Variants in RFC1 observed in about 807,000 individuals in gnomAD.
RFC1 encodes replication factor C subunit 1, also known as A1 140 kDa subunit.
In RFC1, 37 loss-of-function variants were observed where a neutral mutation model predicts 137.4. The observed-to-expected ratio is 0.27, with a 90% CI of 0.21 to 0.35. RFC1 has a LOEUF of 0.35. Among genes scored for constraint, RFC1 ranks in the 10% least tolerant of loss-of-function variants. The pLI, the probability that RFC1 is intolerant of heterozygous loss-of-function variation, is 1.00. For synonymous variants in RFC1, 429 were observed against 455.7 expected (o/e 0.94, Z 0.75); for missense variants, 1,205 against 1,358.5 (o/e 0.89, Z 1.78).
Position 39,302,818 on chromosome 4 carries a change from A to T in RFC1, c.2259T>A (p.Asp753Glu). Residue 753 changes from aspartate to glutamate, a missense_variant, in exon 17 of 25, where the codon GAT (aspartate) becomes GAA (glutamate). By Grantham distance (45) the Asp-to-Glu change is conservative (BLOSUM62 2). Coordinates refer to ENST00000349703, the MANE Select transcript of RFC1 (RefSeq NM_002913.5). ...TKIPIICMCN[D>E]RNHPKIRSLV... ...GAGAGCGAATCTTGGGATGATTTCT[A>T]TCATTGCACATACAAATAATGGGAA... 1 of 1,597,006 alleles carries T rather than the reference A, an allele frequency of 6.3e-7. No homozygotes were observed. Among genetic ancestry groups the T allele is most frequent in the Non-Finnish European group, 8.5e-7 (1 of 1,174,054 alleles).
intron 2 of RFC1, 63 bp downstream of exon 2, chr4:39,351,285 A>C: frequency 6.2e-6 from 3 of 481,176 alleles, no homozygotes; most frequent in South Asian, 3.1e-5. Context: ...AAAAAAAAAA[A>C]CTTATAAGAA....
intron 1 of RFC1, among the ~76,000 whole-genome samples, chr4:39,360,551 AAATAAATAC>A (rs1201066033): frequency 1.4e-4 from 21 of 146,902 alleles, no homozygotes; most frequent in Non-Finnish European, 3.2e-4. Flanking sequence ...AAATAAAATA[AAATAAATAC>A]AATAAAATAA....
At chr4:39,364,701 A>C (rs1741934289) in intron 1 of RFC1, among the ~76,000 whole-genome samples, 1 of 152,164 alleles carries the variant, frequency 6.6e-6, no homozygotes, top group Non-Finnish European at 1.5e-5. Flanking sequence ...CATGCCAGGC[A>C]CCAGAACCAG....
rs529862813 is a variant in RFC1, at chr4:39,321,444, A to C, written c.721-70T>G. 6.7e-5 allele frequency: 95 copies of C among 1,412,632 alleles called. No individual in the cohort carries two copies. The African/African-American group carries it at 1.2e-3, about 18-fold the overall frequency. 87.5% of individuals were successfully genotyped at this position (1,412,632 alleles called of 1,614,324 possible). On this transcript the variant is annotated intron_variant, in intron 7 of 24. Coordinates refer to ENST00000349703, the MANE Select transcript of RFC1 (RefSeq NM_002913.5). ...ACTATTACCATAAAATCTGTTGTTA[A>C]AATCCATCAAAATTTTAAGGGTCAC...
intron 1 of RFC1, among the ~76,000 whole-genome samples, chr4:39,360,659 T>C (rs1345032361): frequency 6.6e-6 from 1 of 151,676 alleles, no homozygotes; most frequent in Non-Finnish European, 1.5e-5. Flanking sequence ...TGCTTGAACC[T>C]GGGAAGCGGA....
At position 39,312,885 on chromosome 4, in the gene RFC1, A is replaced by G; in HGVS notation, c.1250T>C (p.Val417Ala). 1 of 1,614,116 alleles carries G rather than the reference A, an allele frequency of 6.2e-7. No individual in the cohort carries two copies. Among genetic ancestry groups the G allele is most frequent in the South Asian group, 1.1e-5 (1 of 91,066 alleles). The change falls in exon 11 of 25, where the codon GTG becomes GCG. Residue 417 changes from valine (V) to alanine (A), a missense_variant. Transcript: ENST00000349703. ...CTCATCTCGTTCAATAGACTCCAGC[A>G]CGCCTGTGATTACAAATATAAGGCC... The part of the protein sequence containing the change: ...LEGLIFVITG[V>A]LESIERDEAK...
intron 4 of RFC1, among the ~76,000 whole-genome samples, chr4:39,331,695 T>C (rs1446133149): frequency 6.6e-6 from 1 of 152,244 alleles, no homozygotes; most frequent in East Asian, 1.9e-4. Context: ...ATATGTTTAC[T>C]AGGTGGCAAA....
At chr4:39,314,330 T>TGCAA (rs1175475378) in intron 10 of RFC1, among the ~76,000 whole-genome samples, 1 of 152,180 alleles carries the variant, frequency 6.6e-6, no homozygotes, top group Non-Finnish European at 1.5e-5. Context: ...AAATTGCACA[T>TGCAA]GCAAGCCCCT....
intron 11 of RFC1, among the ~76,000 whole-genome samples, chr4:39,311,827 C>T (rs1229789469): frequency 1.3e-5 from 2 of 152,212 alleles, no homozygotes; most frequent in African/African-American, 4.8e-5. Context: ...CTTTCCTCCC[C>T]TAGAAAGGGG....
At chr4:39,311,392 G>A in intron 12 of RFC1, 53 bp downstream of exon 12, 1 of 1,453,142 alleles carries the variant, frequency 6.9e-7, no homozygotes, top group South Asian at 1.2e-5. Context: ...ATATGTCTAT[G>A]AAATTAAAAA....
intron 18 of RFC1, 35 bp from the exon 19 acceptor site, chr4:39,302,411 G>C (rs367883738): frequency 1.9e-6 from 3 of 1,562,472 alleles, no homozygotes; most frequent in Non-Finnish European, 2.6e-6. Flanking sequence ...CGTCAAGATA[G>C]GAAAATCCTG....
intron 1 of RFC1, among the ~76,000 whole-genome samples, chr4:39,360,191 C>A (rs1394990806): frequency 6.6e-6 from 1 of 151,856 alleles, no homozygotes; most frequent in Admixed American, 6.6e-5. Flanking sequence ...CGTGGTGAAA[C>A]CCCATCACTA....
At chr4:39,300,538 T>C (rs2109604075) in intron 19 of RFC1, 124 bp from the exon 20 acceptor site, 2 of 710,260 alleles carry the variant, frequency 2.8e-6, no homozygotes, top group Middle Eastern at 4.0e-4. Context: ...TGCAAAACTG[T>C]ACCGTTTGGT....
chr4:39,350,080 A>G (rs1741108711), intron 2 of RFC1, among the ~76,000 whole-genome samples: 2 of 152,214 alleles, frequency 1.3e-5, no homozygotes, highest in African/African-American at 4.8e-5. Context: ...CAAAAAAGAA[A>G]CAAATGAAAA....
intron 4 of RFC1, among the ~76,000 whole-genome samples, chr4:39,338,632 T>C (rs1336088971): frequency 1.3e-5 from 2 of 152,232 alleles, no homozygotes; most frequent in Non-Finnish European, 2.9e-5. Context: ...ATCGGTGTTG[T>C]TAAAATAAAT....
intron 4 of RFC1, among the ~76,000 whole-genome samples, chr4:39,331,073 A>G (rs1006719202): frequency 6.6e-6 from 1 of 152,218 alleles, no homozygotes; most frequent in African/African-American, 2.4e-5. Flanking sequence ...CTAACCATTG[A>G]GAATATAATC....
chr4:39,361,904 T>A lies in RFC1; in HGVS notation c.3+4335A>T, dbSNP rs546845370. Among the ~76,000 whole-genome samples the A allele has an allele frequency of 1.8e-3, 268 of 152,010 alleles. 1 individual carries two copies. The highest frequency in any genetic ancestry group is 6.2e-3 in the African/African-American group (259 of 41,498). ...ACAAAAAAAAATTAGATGGGTGCAG[T>A]GGCGGGCGCCTGTAGTCCCAGCTAC... is the stretch of plus-strand genomic sequence containing the variant. On this transcript the variant is annotated intron_variant, in intron 1 of 24. Transcript: ENST00000349703.
At chr4:39,296,238 C>CTTT (rs1254857918) in intron 21 of RFC1, among the ~76,000 whole-genome samples, 1 of 116,514 alleles carries the variant, frequency 8.6e-6, no homozygotes. Context: ...TTTTCACTTT[C>CTTT]TTTTTTTTTT....
intron 14 of RFC1, among the ~76,000 whole-genome samples, chr4:39,306,268 A>C (rs1738648548): frequency 6.6e-6 from 1 of 152,232 alleles, no homozygotes; most frequent in African/African-American, 2.4e-5. Context: ...GAATTATTCA[A>C]AGGCATTAAG....
Sources: gnomAD v4.1 joint callset for allele counts (sites outside exome capture counted in the v4.1 genomes callset) on GRCh38, gnomAD v4.1.1 for gene constraint, MANE v1.5 for transcripts, NCBI Gene and HGNC (gene_info 2026-07-23, HGNC 2026-07-21) for gene names.